The following HNRNPR variants were observed in gnomAD, a reference collection of about 807,000 sequenced individuals.
HNRNPR encodes the protein heterogeneous nuclear ribonucleoprotein R.
In HNRNPR, 4 loss-of-function variants were observed where a neutral mutation model predicts 70.3. The observed-to-expected ratio is 0.06, with a 90% CI of 0.03 to 0.13. The LOEUF is 0.13. HNRNPR is among the 10% of genes least tolerant of loss of function. The pLI is 1.00. For missense variants in HNRNPR, 423 were observed against 788.5 expected (o/e 0.54, Z 5.55); for synonymous variants, 241 against 267.6 (o/e 0.90, Z 0.97).
At chr1:23,342,131 T>C (rs1439191970) in intron 1 of HNRNPR, among the ~76,000 whole-genome samples, 1 of 152,222 alleles carries the variant, frequency 6.6e-6, no homozygotes, top group Non-Finnish European at 1.5e-5. Context: ...TCAAGATACC[T>C]AGTCATCTAT....
intron 5 of HNRNPR, among the ~76,000 whole-genome samples, chr1:23,331,405 T>TTAAAAAAAAAAAAAAAAAAA (rs1160009471): frequency 7.9e-6 from 1 of 127,240 alleles, no homozygotes. Flanking sequence ...CACAAAAAAT[T>TTAAAAAAAAAAAAAAAAAAA]AAAAAAAAAA....
Position 23,338,474 on chromosome 1 carries a change from T to C in HNRNPR, c.276+16A>G. 2.0e-6 allele frequency: 2 copies of C among 1,003,494 alleles called. No homozygotes were observed. 62.2% of individuals were successfully genotyped at this position (1,003,494 alleles called of 1,614,324 possible). On this transcript the variant is annotated intron_variant, in intron 3 of 10. Transcript: ENST00000302271. ...ATTACTAATTGTTCAAAGACATTTC[T>C]GAGTAACGACCTTACCTGAACATGT...
chr1:23,329,657 G>A (rs1172902109), intron 5 of HNRNPR, among the ~76,000 whole-genome samples: 1 of 152,130 alleles, frequency 6.6e-6, no homozygotes, highest in African/African-American at 2.4e-5. Flanking sequence ...TTGAGACAAG[G>A]TACTTGCTCC....
chr1:23,321,750 C>A, intron 6 of HNRNPR, 87 bp from the exon 7 acceptor site: 1 of 1,304,712 alleles, frequency 7.7e-7, no homozygotes, highest in South Asian at 1.6e-5. Flanking sequence ...CAATTTAAGG[C>A]CAAACGCTCC....
In HNRNPR at chr1:23,308,278, T is replaced by C. The variant is rs1473781542; in HGVS notation, c.*2176A>G. 1 of 152,082 alleles carries C rather than the reference T, an allele frequency of 6.6e-6. No homozygotes were observed. Among genetic ancestry groups the C allele is most frequent in the Non-Finnish European group, 1.5e-5 (1 of 67,920 alleles). The allele number at this position is 152,082 out of a possible 1,614,324, so 9.4% of individuals were successfully genotyped here. ...TTGACATGGAACCCAAGTTTTAATC[T>C]TATGTTTTTGCGAGGGTTTGTTTTC... On this transcript the variant is annotated 3_prime_UTR_variant, in exon 11 of 11. Coordinates refer to ENST00000302271, the MANE Select transcript of HNRNPR (RefSeq NM_005826.5).
At chr1:23,315,299 A>C in intron 8 of HNRNPR, among the ~76,000 whole-genome samples, 2 of 150,424 alleles carry the variant, frequency 1.3e-5, no homozygotes. Flanking sequence ...AAAAAAAAAA[A>C]AAAAAACAAA....
At chr1:23,314,142 C>T (rs1270504007) in intron 8 of HNRNPR, among the ~76,000 whole-genome samples, 1 of 151,832 alleles carries the variant, frequency 6.6e-6, no homozygotes, top group Non-Finnish European at 1.5e-5. Context: ...AACTATAATG[C>T]TTAAATCATT....
intron 4 of HNRNPR, among the ~76,000 whole-genome samples, chr1:23,337,498 A>C (rs1318475203): frequency 6.6e-6 from 1 of 152,096 alleles, no homozygotes; most frequent in Non-Finnish European, 1.5e-5. Context: ...TTTCCTAAAA[A>C]TACAAATAAT....
chr1:23,331,567 G>C (rs907959057), intron 5 of HNRNPR, among the ~76,000 whole-genome samples: 3 of 152,034 alleles, frequency 2.0e-5, no homozygotes, highest in African/African-American at 7.2e-5. Context: ...GCGGATGCCT[G>C]TAATCCCAGC....
At chr1:23,343,126 C>CA (rs1193987287) in intron 1 of HNRNPR, among the ~76,000 whole-genome samples, 2 of 152,028 alleles carry the variant, frequency 1.3e-5, no homozygotes, top group African/African-American at 2.4e-5. Flanking sequence ...GCCACACAGC[C>CA]AAACCATATT....
In HNRNPR at chr1:23,305,222, T is replaced by C. The variant is rs997898833; in HGVS notation, c.*5232A>G. On this transcript the variant is annotated 3_prime_UTR_variant, in exon 11 of 11. Coordinates refer to ENST00000302271, the MANE Select transcript of HNRNPR (RefSeq NM_005826.5). ...AAACTCATCAGAATTACATGAATATTCCTACTGCTTACCTTAAAACTTCCT... is the reference window on the plus strand; with the variant it reads ...AAACTCATCAGAATTACATGAATATCCCTACTGCTTACCTTAAAACTTCCT... 6.6e-6 allele frequency: 1 copy of C among 152,206 alleles called. No individual in the cohort carries two copies. The highest frequency in any genetic ancestry group is 1.5e-5 in the Non-Finnish European group (1 of 68,022). The allele number at this position is 152,206 out of a possible 1,614,324, so 9.4% of individuals were successfully genotyped here.
At chr1:23,317,837 G>T (rs946822724) in intron 8 of HNRNPR, among the ~76,000 whole-genome samples, 1 of 151,170 alleles carries the variant, frequency 6.6e-6, no homozygotes, top group Non-Finnish European at 1.5e-5. Context: ...AAATTTAGCC[G>T]GGCATGGTGG....
intron 5 of HNRNPR, among the ~76,000 whole-genome samples, chr1:23,333,075 A>C (rs619375): frequency 1.3e-5 from 2 of 152,098 alleles, no homozygotes; most frequent in East Asian, 3.9e-4. Flanking sequence ...CCAGCTACTC[A>C]GGAGGCTGAG....
rs184530984 is a variant in HNRNPR at position 23,308,321 on chromosome 1, C to T, written c.*2133G>A. 6.6e-6 allele frequency: 1 copy of T among 151,986 alleles called. No individual in the cohort carries two copies. Among genetic ancestry groups the T allele is most frequent in the Admixed American group, 6.5e-5 (1 of 15,276 alleles). The allele number at this position is 151,986 out of a possible 1,614,324, so 9.4% of individuals were successfully genotyped here. The stretch of plus-strand genomic sequence containing the variant: ...TTGTTTTCTCAGAATCATTTCTATC[C>T]CCATTCTTAGCATTCTTTATGACAA... On this transcript the variant is annotated 3_prime_UTR_variant, in exon 11 of 11. Transcript: ENST00000302271.
Position 23,318,723 on chromosome 1 carries a change from G to A in HNRNPR, c.812-35C>T. ...CAACAGCCAGATATATAAGCCAAAAGCATCCACCACACATCTAGCGATTAG... is the reference window on the plus strand; with the variant it reads ...CAACAGCCAGATATATAAGCCAAAAACATCCACCACACATCTAGCGATTAG... On this transcript the variant is annotated intron_variant, in intron 7 of 10. Coordinates refer to ENST00000302271, the MANE Select transcript of HNRNPR (RefSeq NM_005826.5). The surrounding 1 kb of genome is among the most constrained non-coding windows in gnomAD (Gnocchi z 4.2). 6.2e-7 allele frequency: 1 copy of A among 1,604,644 alleles called. No individual in the cohort carries two copies. The highest frequency in any genetic ancestry group is 8.5e-7 in the Non-Finnish European group (1 of 1,172,662).
chr1:23,342,195 TC>T (rs1323335568), intron 1 of HNRNPR, among the ~76,000 whole-genome samples: 1 of 152,176 alleles, frequency 6.6e-6, no homozygotes, highest in African/African-American at 2.4e-5. Flanking sequence ...TAACCACACT[TC>T]CCGACAGCTT....
At chr1:23,316,289 C>T (rs1645543293) in intron 8 of HNRNPR, among the ~76,000 whole-genome samples, 2 of 152,102 alleles carry the variant, frequency 1.3e-5, no homozygotes, top group Non-Finnish European at 2.9e-5. Context: ...GCACTCCAGC[C>T]TGGGCAACAT....
In HNRNPR at chr1:23,340,957, G is replaced by T. The variant is rs752128007; in HGVS notation, c.52C>A (p.Pro18Thr). Residue 18 changes from proline (P) to threonine (T), a missense_variant, in exon 2 of 11, where the codon CCA becomes ACA. Coordinates refer to ENST00000302271, the MANE Select transcript of HNRNPR (RefSeq NM_005826.5). Reference protein sequence around the residue: ...NAVQLKEEEEPMDTSSVTHTE... With the variant: ...NAVQLKEEEETMDTSSVTHTE... Reference sequence around the variant, plus strand: ...TGAGTTACACTGGAAGTATCCATTGGTTCTTCCTCTTCTTTTAACTGTACC... The same window carrying T: ...TGAGTTACACTGGAAGTATCCATTGTTTCTTCCTCTTCTTTTAACTGTACC... 1 of 1,611,624 alleles carries T rather than the reference G, an allele frequency of 6.2e-7. No individual in the cohort carries two copies. Among genetic ancestry groups the T allele is most frequent in the East Asian group, 2.2e-5 (1 of 44,826 alleles).
chr1:23,334,983 T>C (rs1200027115), intron 4 of HNRNPR, among the ~76,000 whole-genome samples: 1 of 152,016 alleles, frequency 6.6e-6, no homozygotes, highest in African/African-American at 2.4e-5. Context: ...AGTGGCGCGA[T>C]CTTGGCTCAC....
Sources: allele counts gnomAD v4.1 joint callset (sites outside exome capture counted in the v4.1 genomes callset), GRCh38; gene constraint gnomAD v4.1.1; non-coding constraint Gnocchi (gnomAD v3.1); transcripts MANE v1.5; gene names NCBI Gene and HGNC (gene_info 2026-07-23, HGNC 2026-07-21).